The following PARD3B variants were observed in gnomAD, a reference collection of about 807,000 sequenced individuals.
PARD3B encodes the protein partitioning defective 3 homolog B.
Under a neutral mutation model 130.2 loss-of-function variants are expected in PARD3B, and 103 were observed. That is an observed-to-expected ratio of 0.79 (90% CI 0.67 to 0.93). The LOEUF is 0.93. PARD3B is among the 40% of genes least tolerant of loss of function. The probability of loss-of-function intolerance (pLI) is 0.00; values close to 1 mark genes in which losing one functional copy is unlikely to be tolerated. For synonymous variants in PARD3B, 583 were observed against 553.2 expected (o/e 1.05, Z -0.76); for missense variants, 1,609 against 1,499.2 (o/e 1.07, Z -1.21).
chr2:205,048,867 A>G (rs1698996225), intron 4 of PARD3B, among the ~76,000 whole-genome samples: 1 of 152,192 alleles, frequency 6.6e-6, no homozygotes. Context: ...CTATCCTTCT[A>G]AGGAAATATA....
chr2:204,851,769 T>C (rs2044716010), intron 2 of PARD3B, among the ~76,000 whole-genome samples: 1 of 151,938 alleles, frequency 6.6e-6, no homozygotes, highest in Non-Finnish European at 1.5e-5. Context: ...CTCGGCTCAC[T>C]GCAACCTCTG....
rs1040419346 is a variant in PARD3B at position 205,618,844 on chromosome 2, A to G, written c.*3031A>G. On this transcript the variant is annotated 3_prime_UTR_variant, in exon 23 of 23. Coordinates refer to ENST00000406610, the MANE Select transcript of PARD3B (RefSeq NM_001302769.2). ...CACCCTTGCCATAATACCGTTTCCT[A>G]ACAATATCAAATCAGTGGATGAAAT... 9.2e-5 allele frequency: 14 copies of G among 152,322 alleles called. No individual in the cohort carries two copies. The highest frequency in any genetic ancestry group is 3.4e-4 in the African/African-American group (14 of 41,572). 9.4% of individuals were successfully genotyped at this position (152,322 alleles called of 1,614,324 possible).
At chr2:205,569,722 T>C (rs572621473) in intron 22 of PARD3B, among the ~76,000 whole-genome samples, 1 of 152,334 alleles carries the variant, frequency 6.6e-6, no homozygotes, top group African/African-American at 2.4e-5. Context: ...ATACTAAGTG[T>C]CCTGAAGCAT....
rs1023699311 is a variant in PARD3B at position 205,325,302 on chromosome 2, A to G, written c.2630+23601A>G. On this transcript the variant is annotated intron_variant, in intron 18 of 22. Coordinates refer to ENST00000406610, the MANE Select transcript of PARD3B (RefSeq NM_001302769.2). The surrounding 1 kb of genome is among the most constrained non-coding windows in gnomAD (Gnocchi z 4.1). The stretch of plus-strand genomic sequence containing the variant: ...CCATAGATAAGTACATAAAATTATC[A>G]TAATGTGCCATGACAGCATTAAGGT... 1.3e-5 allele frequency among the ~76,000 whole-genome samples: 2 copies of G among 152,206 alleles called. No individual in the cohort carries two copies. Among genetic ancestry groups the G allele is most frequent in the African/African-American group, 4.8e-5 (2 of 41,450 alleles).
intron 2 of PARD3B, among the ~76,000 whole-genome samples, chr2:204,884,284 C>G (rs2046190854): frequency 6.6e-6 from 1 of 152,020 alleles, no homozygotes; most frequent in Admixed American, 6.6e-5. Context: ...ATCAGGCTCA[C>G]TTGACTAAGA....
At chr2:204,946,662 C>T (rs1173111749) in intron 2 of PARD3B, among the ~76,000 whole-genome samples, 2 of 152,112 alleles carry the variant, frequency 1.3e-5, no homozygotes, top group Non-Finnish European at 2.9e-5. Context: ...AACCACTAGG[C>T]TTGTGCATGT....
intron 2 of PARD3B, among the ~76,000 whole-genome samples, chr2:204,953,470 G>A (rs1400412875): frequency 6.7e-6 from 1 of 149,522 alleles, no homozygotes; most frequent in Non-Finnish European, 1.5e-5. Context: ...GAGAGAGAAG[G>A]CTGGAGGGAA....
intron 1 of PARD3B, among the ~76,000 whole-genome samples, chr2:204,642,098 G>T (rs914813880): frequency 5.3e-5 from 8 of 152,218 alleles, no homozygotes; most frequent in African/African-American, 1.9e-4. Flanking sequence ...TAGTTTGTAT[G>T]TGTGGGATTG....
intron 2 of PARD3B, among the ~76,000 whole-genome samples, chr2:204,950,597 G>A (rs1453122478): frequency 6.6e-6 from 1 of 152,094 alleles, no homozygotes; most frequent in African/African-American, 2.4e-5. Context: ...GGGAGACCTT[G>A]GAAAGAAACT....
chr2:205,518,536 T>C (rs2106390165), intron 21 of PARD3B, among the ~76,000 whole-genome samples: 1 of 152,292 alleles, frequency 6.6e-6, no homozygotes, highest in East Asian at 1.9e-4. Context: ...TTATACAGCT[T>C]ACCATTCTGT....
rs796567936 is a variant in PARD3B, at chr2:205,550,955, G to GTGTGTGTATACATATATA, written c.3181-2368_3181-2367insGTGTGTATACATATATAT. 1.1e-5 allele frequency among the ~76,000 whole-genome samples: 1 copy of GTGTGTGTATACATATATA among 94,468 alleles called. No homozygotes were observed. The highest frequency in any genetic ancestry group is 2.2e-5 in the Non-Finnish European group (1 of 44,580). 62.0% of individuals were successfully genotyped at this position (94,468 alleles called of 152,430 possible). On this transcript the variant is annotated intron_variant, in intron 21 of 22. Coordinates refer to ENST00000406610, the MANE Select transcript of PARD3B (RefSeq NM_001302769.2). This position sits in a 1 kb window ranked among gnomAD's most constrained non-coding sequence, Gnocchi z 4.5. ...TGTGTGTGTGTGTATATATATATGTGTATATATATATATATATATATACAC... is the reference window on the plus strand; with the variant it reads ...TGTGTGTGTGTGTATATATATATGTGTGTGTGTATACATATATATATATATATATATATATATATACAC...
rs2040947371 is a variant in PARD3B, at chr2:205,276,337, C to T, written c.2186-24193C>T. Among the ~76,000 whole-genome samples, 2 of 152,148 alleles carry T rather than the reference C, an allele frequency of 1.3e-5. No homozygotes were observed. Among genetic ancestry groups the T allele is most frequent in the South Asian group, 2.1e-4 (1 of 4,824 alleles). On this transcript the variant is annotated intron_variant, in intron 16 of 22. Coordinates refer to ENST00000406610, the MANE Select transcript of PARD3B (RefSeq NM_001302769.2). The surrounding 1 kb of genome is among the most constrained non-coding windows in gnomAD (Gnocchi z 5.0). ...GAAAATATGTCTTCTGAAAAGATCA[C>T]GAAATCTCAAAGACCTCCAGTTCCT... is the stretch of plus-strand genomic sequence containing the variant.
chr2:205,224,178 G>C (rs1020516186), intron 15 of PARD3B, among the ~76,000 whole-genome samples: 2 of 150,310 alleles, frequency 1.3e-5, no homozygotes, highest in African/African-American at 2.5e-5. Flanking sequence ...GACCATCCTG[G>C]AGAACATGGT....
intron 18 of PARD3B, among the ~76,000 whole-genome samples, chr2:205,369,295 G>A (rs1404662191): frequency 6.6e-6 from 1 of 152,098 alleles, no homozygotes; most frequent in Non-Finnish European, 1.5e-5. Flanking sequence ...CCAGCGTCTA[G>A]TCACCACCCT....
At chr2:205,061,836 C>T (rs774770535) in intron 4 of PARD3B, among the ~76,000 whole-genome samples, 4 of 151,278 alleles carry the variant, frequency 2.6e-5, no homozygotes, top group Non-Finnish European at 5.9e-5. Flanking sequence ...GTTCTTAAGG[C>T]AATATTGGAA....
At chr2:205,330,795 G>A (rs1298680511) in intron 18 of PARD3B, among the ~76,000 whole-genome samples, 1 of 152,202 alleles carries the variant, frequency 6.6e-6, no homozygotes, top group East Asian at 1.9e-4. Context: ...CCAAGACAGT[G>A]CGGAGCAAGA....
chr2:204,628,568 A>G (rs1169571703), intron 1 of PARD3B, among the ~76,000 whole-genome samples: 1 of 152,170 alleles, frequency 6.6e-6, no homozygotes, highest in Non-Finnish European at 1.5e-5. Flanking sequence ...AATGACACAT[A>G]AGCAATTATA....
rs1471210791 is a variant in PARD3B, at chr2:205,091,018, T to C, written c.505-13408T>C. ...GATTCAAGGATTAATCCAGAGATGA[T>C]ATTTGGATTAAATCATCACTGTCTA... On this transcript the variant is annotated intron_variant, in intron 4 of 22. Coordinates refer to ENST00000406610, the MANE Select transcript of PARD3B (RefSeq NM_001302769.2). The surrounding 1 kb of genome is among the most constrained non-coding windows in gnomAD (Gnocchi z 4.2). Among the ~76,000 whole-genome samples, 1 of 152,226 alleles carries C rather than the reference T, an allele frequency of 6.6e-6. No homozygotes were observed. The highest frequency in any genetic ancestry group is 6.5e-5 in the Admixed American group (1 of 15,278).
chr2:204,751,995 A>G (rs1007466658), intron 2 of PARD3B, among the ~76,000 whole-genome samples: 1 of 152,172 alleles, frequency 6.6e-6, no homozygotes, highest in East Asian at 1.9e-4. Flanking sequence ...GCTGATCCCA[A>G]TGTCAAATAT....
Sources: allele counts gnomAD v4.1 joint callset (sites outside exome capture counted in the v4.1 genomes callset), GRCh38; gene constraint gnomAD v4.1.1; non-coding constraint Gnocchi (gnomAD v3.1); transcripts MANE v1.5; gene names NCBI Gene and HGNC (gene_info 2026-07-23, HGNC 2026-07-21).